The following ZNF433 variants were observed in gnomAD, a reference collection of about 807,000 sequenced individuals.
The protein encoded by ZNF433 is zinc finger protein 433.
A neutral mutation model predicts 10.6 loss-of-function variants in ZNF433; 12 were observed. The ratio of observed to expected loss-of-function variants is 1.13; its 90% CI spans 0.72 to 1.83. The LOEUF is 1.83. Ranked by LOEUF, ZNF433 falls within the 40% of genes most tolerant of loss-of-function variation. The pLI is 0.00. For missense variants in ZNF433, 737 were observed against 798.0 expected, an observed-to-expected ratio of 0.92 and a Z score of 0.92; for synonymous variants, 272 against 271.3, an observed-to-expected ratio of 1.00 and a Z score of -0.02.
chr19:12,035,023 C>A (rs548760457), intron 1 of ZNF433: 8 of 359,452 alleles, frequency 2.2e-5, no homozygotes, highest in Non-Finnish European at 4.5e-5. Context: ...TTTCCGTTAA[C>A]AAATTACAAG....
chr19:12,034,278 A>G (rs1599380786), intron 1 of ZNF433, among the ~76,000 whole-genome samples: 1 of 152,322 alleles, frequency 6.6e-6, no homozygotes, highest in East Asian at 1.9e-4. Flanking sequence ...GTCTGTGAAA[A>G]TAAGTAATTC....
chr19:12,035,121 A>C (rs960552643), intron 1 of ZNF433, among the ~76,000 whole-genome samples: 1 of 152,190 alleles, frequency 6.6e-6, no homozygotes, highest in African/African-American at 2.4e-5. Flanking sequence ...AAGCAAAACT[A>C]TAATTGTTAA....
chr19:12,015,642 AG>A lies in ZNF433; in HGVS notation c.1215del (p.Phe406SerfsTer262). The part of the protein sequence containing the change: ...QCGKAFNSSS[S>X]FRYHERTHTG... ...GTGTGAGTTCTTTCATGATATCGGAAGGAACTGGAAGAATTAAAGGCTTTAC... is the reference window on the plus strand; with the variant it reads ...GTGTGAGTTCTTTCATGATATCGGAAGAACTGGAAGAATTAAAGGCTTTAC... On this transcript the variant is annotated frameshift_variant, in exon 4 of 4. Transcript: ENST00000550507. LOFTEE classifies it low-confidence loss of function (END_TRUNC). The A allele has an allele frequency of 6.2e-7, 1 of 1,612,692 alleles. No homozygotes were observed. The highest frequency in any genetic ancestry group is 8.5e-7 in the Non-Finnish European group (1 of 1,179,554).
chr19:12,034,745 C>CG (rs1568344586), intron 1 of ZNF433: 1 of 451,304 alleles, frequency 2.2e-6, no homozygotes, highest in African/African-American at 2.0e-5. Context: ...TCTCCACCAA[C>CG]GGCCACCTTC....
chr19:12,031,120 A>C (rs2145481811), intron 1 of ZNF433, among the ~76,000 whole-genome samples: 1 of 151,900 alleles, frequency 6.6e-6, no homozygotes, highest in South Asian at 2.1e-4. Context: ...ACACGGTGAA[A>C]CCCCGTCTCT....
At chr19:12,020,538 A>G (rs1022160242) in intron 1 of ZNF433, among the ~76,000 whole-genome samples, 1 of 152,238 alleles carries the variant, frequency 6.6e-6, no homozygotes, top group Non-Finnish European at 1.5e-5. Context: ...TGAGAAACAC[A>G]TAATTGAAGA....
chr19:12,031,634 ACT>A (rs538906927), intron 1 of ZNF433, among the ~76,000 whole-genome samples: 36 of 152,136 alleles, frequency 2.4e-4, no homozygotes, highest in Non-Finnish European at 4.7e-4. Flanking sequence ...ACACAGTGAG[ACT>A]CTGTCTAAAA....
chr19:12,018,480 A>ATG (rs1568332520), intron 1 of ZNF433, 188 bp from the exon 2 acceptor site: 2 of 564,574 alleles, frequency 3.5e-6, no homozygotes, highest in Non-Finnish European at 5.4e-6. Context: ...CAACTGAACC[A>ATG]TGTGGTAAAG....
At chr19:12,030,018 G>A (rs1490326223) in intron 1 of ZNF433, 3 of 222,778 alleles carry the variant, frequency 1.3e-5, no homozygotes, top group African/African-American at 7.7e-5. Flanking sequence ...AGAGGCAGAG[G>A]TTGCAGTAAG....
In ZNF433 at chr19:12,015,630, C is replaced by G. The variant is rs1315687876; in HGVS notation, c.1228G>C (p.Glu410Gln). 6.2e-7 allele frequency: 1 copy of G among 1,613,372 alleles called. No homozygotes were observed. The highest frequency in any genetic ancestry group is 8.5e-7 in the Non-Finnish European group (1 of 1,179,816). The change falls in exon 4 of 4, where the codon GAA becomes CAA. Residue 410 changes from glutamate (E) to glutamine (Q), a missense_variant. Glu to Gln is a conservative substitution (Grantham distance 29). Coordinates refer to ENST00000550507, the MANE Select transcript of ZNF433 (RefSeq NM_001308348.2). ...GGTTTCTCTCCAGTGTGAGTTCTTT[C>G]ATGATATCGGAAGGAACTGGAAGAA... ...FNSSSSFRYH[E>Q]RTHTGEKPYE...
At chr19:12,017,139 C>G (rs1427856826) in intron 3 of ZNF433, among the ~76,000 whole-genome samples, 1 of 152,158 alleles carries the variant, frequency 6.6e-6, no homozygotes. Flanking sequence ...CAAGATGGCC[C>G]AGCCATATCT....
chr19:12,016,989 G>A (rs1368039356), intron 3 of ZNF433, among the ~76,000 whole-genome samples: 2 of 151,686 alleles, frequency 1.3e-5, no homozygotes, highest in Non-Finnish European at 2.9e-5. Context: ...TGATCCACCT[G>A]CCTCGGCTTC....
At chr19:12,018,117 A>G (rs748436502) in intron 2 of ZNF433, 49 bp downstream of exon 2, 3 of 1,527,946 alleles carry the variant, frequency 2.0e-6, no homozygotes, top group Admixed American at 2.3e-5. Context: ...AGAAAAAAAA[A>G]AAAACTTGTT....
In ZNF433 at chr19:12,017,953, G is replaced by A; in HGVS notation, c.131-17C>T. On this transcript the variant is annotated splice_polypyrimidine_tract_variant and intron_variant, in intron 2 of 3. Coordinates refer to ENST00000550507, the MANE Select transcript of ZNF433 (RefSeq NM_001308348.2). ...ATTTTTTCCCTACAACACACAACAA[G>A]GAAAATAATCTTGAATTAGTATAAA... The A allele has an allele frequency of 6.5e-7, 1 of 1,547,628 alleles. No homozygotes were observed. Among genetic ancestry groups the A allele is most frequent in the Non-Finnish European group, 8.7e-7 (1 of 1,145,914 alleles).
chr19:12,018,072 T>G (rs1974299845), intron 2 of ZNF433, 94 bp downstream of exon 2: 25 of 1,411,638 alleles, frequency 1.8e-5, no homozygotes, highest in Non-Finnish European at 2.4e-5. Flanking sequence ...TGTAAATCAC[T>G]CAACAGCATA....
chr19:12,031,305 AAAAAACAAAAC>A lies in ZNF433; in HGVS notation c.3+4221_3+4231del, dbSNP rs1156741132. Among the ~76,000 whole-genome samples the A allele has an allele frequency of 1.2e-3, 154 of 130,664 alleles. 4 individuals carry two copies. The highest frequency in any genetic ancestry group is 6.5e-3 in the African/African-American group (148 of 22,782). The allele number at this position is 130,664 out of a possible 152,430, so 85.7% of individuals were successfully genotyped here. A position where few individuals can be genotyped will look rare whatever the true frequency, so the allele number is the denominator to read the frequency against. ...GTGAGACTCCATCTCAAAAAAAAAA[AAAAAACAAAAC>A]AAAAAAAAAAACAAAGCAGCTGACC... On this transcript the variant is annotated intron_variant, in intron 1 of 3. Transcript: ENST00000550507.
At chr19:12,035,136 T>A (rs1159965192) in intron 1 of ZNF433, among the ~76,000 whole-genome samples, 5 of 152,188 alleles carry the variant, frequency 3.3e-5, no homozygotes, top group African/African-American at 1.2e-4. Context: ...TGTTAACGTG[T>A]CTCAGTTTAA....
chr19:12,024,446 A>G lies in ZNF433; in HGVS notation c.4-6154T>C, dbSNP rs1339821553. On this transcript the variant is annotated intron_variant, in intron 1 of 3. Coordinates refer to ENST00000550507, the MANE Select transcript of ZNF433 (RefSeq NM_001308348.2). ...GCCATAAGGCGTGTTAAACAGTCCA[A>G]CAATTTGCCAGACTTATCAATTGAA... 2.6e-5 allele frequency: 4 copies of G among 152,264 alleles called. No homozygotes were observed. In the East Asian group the frequency reaches 7.7e-4, roughly 29 times the overall value. The allele number at this position is 152,264 out of a possible 1,614,324, so 9.4% of individuals were successfully genotyped here.
At chr19:12,030,218 AT>A (rs1034212751) in intron 1 of ZNF433, 2 of 415,462 alleles carry the variant, frequency 4.8e-6, no homozygotes, top group Non-Finnish European at 9.3e-6. Flanking sequence ...AGAAATGTTT[AT>A]TTTTTTATTT....
Sources: gnomAD v4.1 joint callset for allele counts (sites outside exome capture counted in the v4.1 genomes callset) on GRCh38, gnomAD v4.1.1 for gene constraint, MANE v1.5 for transcripts, NCBI Gene and HGNC (gene_info 2026-07-23, HGNC 2026-07-21) for gene names.